Variants in NRXN3 observed in about 807,000 individuals in gnomAD.
The protein encoded by NRXN3 is neurexin 3.
In NRXN3, 32 loss-of-function variants were observed where a neutral mutation model predicts 137.6. The observed-to-expected ratio is 0.23, with a 90% CI of 0.18 to 0.31. NRXN3 has a LOEUF of 0.31. Ranked by LOEUF, NRXN3 falls within the 10% of genes least tolerant of loss-of-function variation. The probability of loss-of-function intolerance (pLI) is 1.00; values close to 1 mark genes in which losing one functional copy is unlikely to be tolerated. For synonymous variants in NRXN3, 798 were observed against 784.5 expected, an observed-to-expected ratio of 1.02 and a Z score of -0.29; for missense variants, 1,574 against 2,062.5, an observed-to-expected ratio of 0.76 and a Z score of 4.59.
intron 15 of NRXN3, among the ~76,000 whole-genome samples, chr14:79,007,753 C>T (rs997597774): frequency 7.6e-5 from 11 of 145,604 alleles, no homozygotes; most frequent in African/African-American, 2.9e-4. Context: ...TTGCAGTGAG[C>T]CGAGATCATG....
intron 10 of NRXN3, among the ~76,000 whole-genome samples, chr14:78,915,472 T>G (rs1371017867): frequency 6.6e-6 from 1 of 151,918 alleles, no homozygotes; most frequent in Non-Finnish European, 1.5e-5. Context: ...GTACCATTTA[T>G]TCAGTGTTCA....
At chr14:79,509,228 T>C (rs2096908795) in intron 16 of NRXN3, among the ~76,000 whole-genome samples, 1 of 152,056 alleles carries the variant, frequency 6.6e-6, no homozygotes, top group South Asian at 2.1e-4. Context: ...GCTTTGTGCA[T>C]TTCAAAATTA....
At chr14:79,096,893 T>A (rs1292256797) in intron 15 of NRXN3, among the ~76,000 whole-genome samples, 1 of 152,318 alleles carries the variant, frequency 6.6e-6, no homozygotes, top group Non-Finnish European at 1.5e-5. Context: ...CAAATCTAGT[T>A]CTGAGAGTGT....
At chr14:78,193,996 T>C (rs2060989821) in intron 1 of NRXN3, among the ~76,000 whole-genome samples, 1 of 152,140 alleles carries the variant, frequency 6.6e-6, no homozygotes, top group Admixed American at 6.5e-5. Flanking sequence ...ACTCTCCCCC[T>C]CTGCATCTGG....
intron 10 of NRXN3, among the ~76,000 whole-genome samples, chr14:78,883,633 G>T (rs2099135411): frequency 6.6e-6 from 1 of 152,168 alleles, no homozygotes; most frequent in Non-Finnish European, 1.5e-5. Context: ...TTTGGATGAG[G>T]CTCAGCTCAG....
At chr14:78,789,330 G>A (rs2098798543) in intron 8 of NRXN3, among the ~76,000 whole-genome samples, 1 of 152,088 alleles carries the variant, frequency 6.6e-6, no homozygotes, top group South Asian at 2.1e-4. Context: ...TAGTTAAGGG[G>A]TTCTCAACTG....
intron 1 of NRXN3, among the ~76,000 whole-genome samples, chr14:78,192,437 G>A (rs565720894): frequency 4.6e-5 from 7 of 152,096 alleles, no homozygotes; most frequent in East Asian, 1.9e-4. Context: ...GCCTCTCTCC[G>A]TTCTGTTTCT....
chr14:79,454,153 G>A (rs1223542508), intron 15 of NRXN3, among the ~76,000 whole-genome samples: 3 of 151,676 alleles, frequency 2.0e-5, no homozygotes, highest in African/African-American at 4.8e-5. Flanking sequence ...GCGTGATCTC[G>A]GCTCACTGCA....
rs572339228 is a variant in NRXN3, at chr14:79,466,443, C to T, written c.3263-778C>T. Among the ~76,000 whole-genome samples the T allele has an allele frequency of 2.6e-5, 4 of 152,102 alleles. No individual in the cohort carries two copies. In the East Asian group the frequency reaches 5.8e-4, roughly 22 times the overall value. The stretch of plus-strand genomic sequence containing the variant: ...TCTACTAAAAATACAAAAAAATTAG[C>T]CGGGCGTGGTGGCACGTGCCTGTAG... On this transcript the variant is annotated intron_variant, in intron 15 of 20. Coordinates refer to ENST00000335750, the MANE Select transcript of NRXN3 (RefSeq NM_001330195.2).
chr14:79,730,852 G>T (rs1415509389), intron 19 of NRXN3, among the ~76,000 whole-genome samples: 1 of 152,144 alleles, frequency 6.6e-6, no homozygotes, highest in Non-Finnish European at 1.5e-5. Context: ...CCTTAACCCG[G>T]TCAGTAAATT....
chr14:78,922,214 T>C (rs1467463181), intron 10 of NRXN3, among the ~76,000 whole-genome samples: 1 of 152,196 alleles, frequency 6.6e-6, no homozygotes, highest in Non-Finnish European at 1.5e-5. Flanking sequence ...AGTGAACACT[T>C]TCCTCTATTA....
chr14:79,213,123 A>T (rs1486760096), intron 15 of NRXN3, among the ~76,000 whole-genome samples: 2 of 152,170 alleles, frequency 1.3e-5, no homozygotes, highest in Non-Finnish European at 2.9e-5. Context: ...GAAAATAGAA[A>T]ATACTCTATT....
At chr14:78,456,817 C>CTTTCTTTCTT (rs2094727179) in intron 4 of NRXN3, among the ~76,000 whole-genome samples, 2 of 121,632 alleles carry the variant, frequency 1.6e-5, no homozygotes, top group East Asian at 4.8e-4. Flanking sequence ...TTCTTTCTTT[C>CTTTCTTTCTT]TTTCTTTCTT....
At chr14:78,889,889 A>G (rs2099154236) in intron 10 of NRXN3, among the ~76,000 whole-genome samples, 1 of 152,054 alleles carries the variant, frequency 6.6e-6, no homozygotes, top group Non-Finnish European at 1.5e-5. Flanking sequence ...CCTGGATTGT[A>G]CAGGTGGGCC....
intron 4 of NRXN3, among the ~76,000 whole-genome samples, chr14:78,503,007 G>C (rs1169403490): frequency 2.0e-5 from 3 of 152,300 alleles, no homozygotes; most frequent in African/African-American, 7.2e-5. Context: ...TTTTGTGTTA[G>C]AGGAGTGTAG....
chr14:79,462,055 G>A (rs938895906), intron 15 of NRXN3, among the ~76,000 whole-genome samples: 1 of 152,140 alleles, frequency 6.6e-6, no homozygotes, highest in Non-Finnish European at 1.5e-5. Flanking sequence ...TTGTCCACAA[G>A]TAAATTATCC....
intron 15 of NRXN3, among the ~76,000 whole-genome samples, chr14:79,339,190 C>G (rs2092456596): frequency 6.6e-6 from 1 of 152,128 alleles, no homozygotes; most frequent in African/African-American, 2.4e-5. Flanking sequence ...TACTTTATAG[C>G]CAAAGATGTG....
intron 1 of NRXN3, among the ~76,000 whole-genome samples, chr14:78,235,595 T>TA (rs59835294): frequency 0.025 from 3,378 of 136,442 alleles, 107 homozygotes; most frequent in African/African-American, 0.073. Context: ...TAGTTTTTAG[T>TA]AAAAAAAAAA....
intron 10 of NRXN3, among the ~76,000 whole-genome samples, chr14:78,919,421 GTTA>G (rs1369763231): frequency 6.6e-6 from 1 of 152,154 alleles, no homozygotes; most frequent in African/African-American, 2.4e-5. Context: ...GAAATGAGTA[GTTA>G]TTATCAAATT....
Sources: gnomAD v4.1 joint callset for allele counts (sites outside exome capture counted in the v4.1 genomes callset) on GRCh38, gnomAD v4.1.1 for gene constraint, MANE v1.5 for transcripts, NCBI Gene and HGNC (gene_info 2026-07-23, HGNC 2026-07-21) for gene names.